MARK1: variants seen among roughly 807,000 people sequenced by gnomAD.
MARK1 encodes the protein microtubule affinity regulating kinase 1.
Under a neutral mutation model 96.3 loss-of-function variants are expected in MARK1, and 40 were observed. The ratio of observed to expected loss-of-function variants is 0.42; its 90% CI spans 0.32 to 0.54. MARK1 has a LOEUF of 0.54. Among genes scored for constraint, MARK1 ranks in the 20% least tolerant of loss-of-function variants. The pLI, the probability that MARK1 is intolerant of heterozygous loss-of-function variation, is 0.16. For synonymous variants in MARK1, 317 were observed against 341.2 expected, an observed-to-expected ratio of 0.93 and a Z score of 0.78; for missense variants, 719 against 984.6, an observed-to-expected ratio of 0.73 and a Z score of 3.61.
At chr1:220,595,404 G>A (rs1665268528) in intron 3 of MARK1, among the ~76,000 whole-genome samples, 1 of 152,188 alleles carries the variant, frequency 6.6e-6, no homozygotes, top group African/African-American at 2.4e-5. Flanking sequence ...TTTGGGAGGT[G>A]AAGAGTTCAA....
Position 220,573,558 on chromosome 1 carries a change from C to T in MARK1, c.52-5796C>T, listed in dbSNP as rs577618127. On this transcript the variant is annotated intron_variant, in intron 1 of 17. Transcript: ENST00000366917. The stretch of plus-strand genomic sequence containing the variant: ...CAGGATGGTCTCGATCTCCTGACCT[C>T]GTGATCCACCCACCTCAGCCTCCCG... Among the ~76,000 whole-genome samples, 1,177 of 152,084 alleles carry T rather than the reference C, an allele frequency of 7.7e-3. 14 individuals are homozygous for T. Among genetic ancestry groups the T allele is most frequent in the African/African-American group, 0.026 (1,064 of 41,504 alleles).
chr1:220,636,405 G>C (rs1315985614), intron 13 of MARK1, among the ~76,000 whole-genome samples: 1 of 151,976 alleles, frequency 6.6e-6, no homozygotes, highest in Non-Finnish European at 1.5e-5. Flanking sequence ...ACTTAAAACA[G>C]CAAACTAGAA....
chr1:220,586,762 G>A (rs1020320861), intron 3 of MARK1, among the ~76,000 whole-genome samples: 28 of 152,288 alleles, frequency 1.8e-4, no homozygotes, highest in African/African-American at 6.3e-4. Context: ...CACCTATGAA[G>A]TTTAGACTAA....
intron 1 of MARK1, among the ~76,000 whole-genome samples, chr1:220,565,027 A>G (rs1173454356): frequency 6.6e-6 from 1 of 152,124 alleles, no homozygotes; most frequent in African/African-American, 2.4e-5. Context: ...TTAAAACACT[A>G]CAGAACTACC....
chr1:220,544,498 G>A (rs1347691972), intron 1 of MARK1, among the ~76,000 whole-genome samples: 1 of 152,128 alleles, frequency 6.6e-6, no homozygotes, highest in Admixed American at 6.6e-5. Flanking sequence ...ATGGGATGAC[G>A]CAGGCTGAAG....
chr1:220,652,493 G>A (rs1668936690), intron 15 of MARK1, among the ~76,000 whole-genome samples: 1 of 152,068 alleles, frequency 6.6e-6, no homozygotes, highest in African/African-American at 2.4e-5. Context: ...GTTGAGACCC[G>A]CAGATAATGA....
chr1:220,537,477 C>G (rs1324097213), intron 1 of MARK1, among the ~76,000 whole-genome samples: 1 of 151,246 alleles, frequency 6.6e-6, no homozygotes, highest in African/African-American at 2.4e-5. Flanking sequence ...TTTCTTACTC[C>G]AGTCTATCAT....
intron 7 of MARK1, among the ~76,000 whole-genome samples, chr1:220,617,565 G>T (rs1291700329): frequency 2.0e-5 from 3 of 152,130 alleles, no homozygotes; most frequent in Admixed American, 1.3e-4. Flanking sequence ...TTATTGAGTT[G>T]CTTCTGTTTA....
At chr1:220,612,297 G>C (rs1044320788) in intron 6 of MARK1, among the ~76,000 whole-genome samples, 1 of 152,164 alleles carries the variant, frequency 6.6e-6, no homozygotes, top group African/African-American at 2.4e-5. Context: ...TTGCTGGTGA[G>C]CGAGAGCAGG....
At chr1:220,609,341 T>A (rs145970203) in intron 6 of MARK1, among the ~76,000 whole-genome samples, 2,455 of 152,302 alleles carry the variant, frequency 0.016, 65 homozygotes, top group African/African-American at 0.056. Context: ...TCTTTGTCAG[T>A]TTAAAGTTTG....
chr1:220,574,312 T>C (rs1039504878), intron 1 of MARK1, among the ~76,000 whole-genome samples: 2 of 152,262 alleles, frequency 1.3e-5, no homozygotes, highest in Non-Finnish European at 2.9e-5. Context: ...ACTGCCTTGT[T>C]CTAATGTGTT....
At chr1:220,653,447 G>T (rs1668999127) in intron 16 of MARK1, 95 bp downstream of exon 16, 1 of 1,330,362 alleles carries the variant, frequency 7.5e-7, no homozygotes, top group African/African-American at 1.5e-5. Context: ...TTTCTAAAAT[G>T]GTTTCATAAC....
intron 9 of MARK1, chr1:220,627,124 C>A: frequency 2.0e-6 from 1 of 506,198 alleles, no homozygotes; most frequent in South Asian, 1.6e-5. Context: ...AGAATGCTGC[C>A]CCACAAACCT....
Position 220,651,989 on chromosome 1 carries a change from T to C in MARK1, c.1575T>C (p.Leu525=), listed in dbSNP as rs747954627. Residue 525 remains leucine, a synonymous_variant, in exon 15 of 18, where the codon CTT becomes CTC. Transcript: ENST00000366917. The part of the protein sequence containing the change: ...VALQNGKDSS[L]TEMSVSSISS... Reference sequence around the variant, plus strand: ...CTCAACTGCTTTATGGTGAAAGCCTTACGGAGATGTCTGTGAGTAGCATAT... The same window carrying C: ...CTCAACTGCTTTATGGTGAAAGCCTCACGGAGATGTCTGTGAGTAGCATAT... The C allele has an allele frequency of 6.3e-7, 1 of 1,592,840 alleles. No individual in the cohort carries two copies. Among genetic ancestry groups the C allele is most frequent in the Middle Eastern group, 1.7e-4 (1 of 5,992 alleles).
chr1:220,611,985 G>A (rs905308749), intron 6 of MARK1, among the ~76,000 whole-genome samples: 2 of 152,188 alleles, frequency 1.3e-5, no homozygotes, highest in African/African-American at 2.4e-5. Context: ...TGCCCACATC[G>A]GCCTCCCAAA....
In MARK1 at chr1:220,626,628, C is replaced by T. The variant is rs1180684436; in HGVS notation, c.910-4407C>T. The T allele has an allele frequency of 8.9e-5, 32 of 357,634 alleles. No individual in the cohort carries two copies. In the Admixed American group the frequency reaches 1.1e-3, roughly 12 times the overall value. The allele number at this position is 357,634 out of a possible 1,614,324, so 22.2% of individuals were successfully genotyped here. On this transcript the variant is annotated intron_variant, in intron 9 of 17. Coordinates refer to ENST00000366917, the MANE Select transcript of MARK1 (RefSeq NM_018650.5). ...CTTGAGGTCAGAAGTTTGACACCAG[C>T]CTGGCCAACATGGTGAAACCCCGCA...
chr1:220,616,259 T>C (rs1373032413), intron 7 of MARK1, among the ~76,000 whole-genome samples: 3 of 152,176 alleles, frequency 2.0e-5, no homozygotes, highest in Non-Finnish European at 4.4e-5. Context: ...TGCATAGATA[T>C]GGAACTTCGT....
chr1:220,532,685 T>TAACAAAAA (rs1660395593), intron 1 of MARK1, among the ~76,000 whole-genome samples: 1 of 152,134 alleles, frequency 6.6e-6, no homozygotes, highest in Admixed American at 6.5e-5. Context: ...TTCGAGAAAG[T>TAACAAAAA]GTTTTTTTGT....
rs778154962 is a variant in MARK1 at position 220,618,351 on chromosome 1, T to G, written c.594T>G (p.Ile198Met). 6.2e-7 allele frequency: 1 copy of G among 1,614,012 alleles called. No individual in the cohort carries two copies. The highest frequency in any genetic ancestry group is 8.5e-7 in the Non-Finnish European group (1 of 1,179,878). ...TTGATGGTGATATGAATATTAAAAT[T>G]GCTGACTTTGGTTTTAGTAATGAAT... ...LLLDGDMNIKIADFGFSNEFT... is the reference protein window; with the variant it reads ...LLLDGDMNIKMADFGFSNEFT... The change falls in exon 8 of 18, where the codon ATT becomes ATG. Residue 198 changes from isoleucine (I) to methionine (M), a missense_variant. By Grantham distance (10) the Ile-to-Met change is conservative. Coordinates refer to ENST00000366917, the MANE Select transcript of MARK1 (RefSeq NM_018650.5). The surrounding 1 kb of genome is among the most constrained non-coding windows in gnomAD (Gnocchi z 4.6).
Sources: allele counts gnomAD v4.1 joint callset (sites outside exome capture counted in the v4.1 genomes callset), GRCh38; gene constraint gnomAD v4.1.1; non-coding constraint Gnocchi (gnomAD v3.1); transcripts MANE v1.5; gene names NCBI Gene and HGNC (gene_info 2026-07-23, HGNC 2026-07-21).